ROBO1: variants seen among roughly 807,000 people sequenced by gnomAD.
The protein encoded by ROBO1 is roundabout homolog 1.
A neutral mutation model predicts 195.9 loss-of-function variants in ROBO1; 149 were observed. The observed-to-expected ratio is 0.76, with a 90% CI of 0.67 to 0.87. ROBO1 has a LOEUF of 0.87. ROBO1 is among the 40% of genes least tolerant of loss of function. The pLI is 0.00. For missense variants in ROBO1, 1,933 were observed against 2,068.3 expected (o/e 0.93, Z 1.27); for synonymous variants, 816 against 733.2 (o/e 1.11, Z -1.82).
intron 2 of ROBO1, among the ~76,000 whole-genome samples, chr3:79,515,249 C>T (rs937201887): frequency 6.6e-6 from 1 of 152,182 alleles, no homozygotes; most frequent in Non-Finnish European, 1.5e-5. Context: ...GCTCACTGTC[C>T]TCCACCAATG....
chr3:79,083,857 A>T (rs546255031), intron 3 of ROBO1, among the ~76,000 whole-genome samples: 1 of 152,184 alleles, frequency 6.6e-6, no homozygotes. Context: ...AAAGATTTTC[A>T]TGAAGGGAAT....
intron 2 of ROBO1, among the ~76,000 whole-genome samples, chr3:79,283,987 G>A (rs2031716458): frequency 5.3e-5 from 8 of 152,070 alleles, no homozygotes; most frequent in Admixed American, 5.2e-4. Flanking sequence ...GTGAGCCACC[G>A]CGCCCGGCCT....
chr3:78,601,455 TCA>T (rs1296142446), intron 29 of ROBO1, among the ~76,000 whole-genome samples: 1 of 152,220 alleles, frequency 6.6e-6, no homozygotes, highest in Non-Finnish European at 1.5e-5. Flanking sequence ...CATAGGAGTT[TCA>T]CAGTCCATGA....
At chr3:79,591,174 AC>A (rs1943988919) in intron 1 of ROBO1, among the ~76,000 whole-genome samples, 1 of 151,892 alleles carries the variant, frequency 6.6e-6, no homozygotes, top group Non-Finnish European at 1.5e-5. Flanking sequence ...CAAACCTAGT[AC>A]TATATAAAAA....
chr3:78,933,022 C>G (rs2107656046), intron 4 of ROBO1, among the ~76,000 whole-genome samples: 1 of 152,202 alleles, frequency 6.6e-6, no homozygotes, highest in South Asian at 2.1e-4. Flanking sequence ...TTAATACACA[C>G]TTCTGTGAGA....
rs80075708 is a variant in ROBO1 at position 79,190,695 on chromosome 3, C to G, written c.89-65156G>C. On this transcript the variant is annotated intron_variant, in intron 2 of 30. Transcript: ENST00000464233. ...CTTGGATATTTCCTTTGTAAGGTCCCCCTTGACTCAATTACTATATTATAT... is the reference window on the plus strand; with the variant it reads ...CTTGGATATTTCCTTTGTAAGGTCCGCCTTGACTCAATTACTATATTATAT... 6.2e-4 allele frequency among the ~76,000 whole-genome samples: 94 copies of G among 151,632 alleles called. 2 individuals carry two copies. The East Asian group carries it at 0.017, about 28-fold the overall frequency.
chr3:79,683,771 T>A (rs1947018821), intron 1 of ROBO1, among the ~76,000 whole-genome samples: 1 of 152,168 alleles, frequency 6.6e-6, no homozygotes. Flanking sequence ...GCAGCATATA[T>A]CAGCCCTTCA....
At chr3:79,767,053 CA>C in intron 1 of ROBO1, among the ~76,000 whole-genome samples, 1 of 152,130 alleles carries the variant, frequency 6.6e-6, no homozygotes, top group Non-Finnish European at 1.5e-5. Flanking sequence ...TGTTTTCAAG[CA>C]AAATCCTGCA....
intron 27 of ROBO1, 114 bp from the exon 28 acceptor site, chr3:78,614,914 G>T: frequency 1.8e-6 from 2 of 1,124,758 alleles, no homozygotes; most frequent in Non-Finnish European, 2.4e-6. Context: ...TTTCTGAAAA[G>T]CAACAAAAAA....
intron 1 of ROBO1, among the ~76,000 whole-genome samples, chr3:79,699,229 T>C (rs1647783802): frequency 6.6e-6 from 1 of 151,448 alleles, no homozygotes; most frequent in African/African-American, 2.4e-5. Flanking sequence ...GAATTGATTA[T>C]TATTTTTCCT....
intron 3 of ROBO1, among the ~76,000 whole-genome samples, chr3:78,968,271 C>CTTTTTTTTTTTT (rs35361494): frequency 1.7e-5 from 2 of 119,462 alleles, no homozygotes; most frequent in Non-Finnish European, 1.7e-5. Context: ...TGTATAGATT[C>CTTTTTTTTTTTT]TTTTTTTTTT....
At chr3:79,646,075 C>A (rs779798139) in intron 1 of ROBO1, among the ~76,000 whole-genome samples, 3 of 151,908 alleles carry the variant, frequency 2.0e-5, no homozygotes, top group Non-Finnish European at 2.9e-5. Flanking sequence ...CAAAGATACA[C>A]GAATGGCATT....
chr3:78,968,059 A>C (rs1337179504), intron 3 of ROBO1, among the ~76,000 whole-genome samples: 1 of 152,042 alleles, frequency 6.6e-6, no homozygotes, highest in Non-Finnish European at 1.5e-5. Context: ...TCTTAAACAC[A>C]GTTTATTTTT....
intron 1 of ROBO1, among the ~76,000 whole-genome samples, chr3:79,609,325 G>A (rs1196715718): frequency 2.0e-5 from 3 of 151,772 alleles, no homozygotes; most frequent in Non-Finnish European, 2.9e-5. Context: ...CTCCTATTAG[G>A]ATGGCAATTA....
chr3:78,739,900 A>G (rs1026016012), intron 5 of ROBO1, among the ~76,000 whole-genome samples: 3 of 152,218 alleles, frequency 2.0e-5, no homozygotes, highest in Non-Finnish European at 4.4e-5. Context: ...TTGCACTGAT[A>G]GCATAGCAGA....
In ROBO1 at chr3:79,019,365, G is replaced by A. The variant is rs1462293628; in HGVS notation, c.173-80438C>T. 5 of 985,842 alleles carry A rather than the reference G, an allele frequency of 5.1e-6. No homozygotes were observed. In the East Asian group the frequency reaches 4.6e-4, roughly 90 times the overall value. The allele number at this position is 985,842 out of a possible 1,614,324, so 61.1% of individuals were successfully genotyped here. ...AAGGGCAGAGAGGATGCTGCTGCGG[G>A]TGGGAGAGACGGCCGCCGCGGCTCA... On this transcript the variant is annotated intron_variant, in intron 3 of 30. Coordinates refer to ENST00000464233, the MANE Select transcript of ROBO1 (RefSeq NM_002941.4).
intron 2 of ROBO1, among the ~76,000 whole-genome samples, chr3:79,439,261 A>G (rs2107108952): frequency 6.6e-6 from 1 of 152,222 alleles, no homozygotes; most frequent in African/African-American, 2.4e-5. Flanking sequence ...GAATATTATA[A>G]CTGACATCAA....
At chr3:79,191,819 T>A (rs1440646913) in intron 2 of ROBO1, among the ~76,000 whole-genome samples, 1 of 151,456 alleles carries the variant, frequency 6.6e-6, no homozygotes, top group East Asian at 1.9e-4. Context: ...ATGTTTATAT[T>A]CTCCAAAACA....
intron 1 of ROBO1, among the ~76,000 whole-genome samples, chr3:79,751,516 AG>A (rs1464576201): frequency 6.6e-6 from 1 of 152,140 alleles, no homozygotes; most frequent in Non-Finnish European, 1.5e-5. Context: ...TTGATAATTT[AG>A]CTAAGTGCTA....
Sources: allele counts gnomAD v4.1 joint callset (sites outside exome capture counted in the v4.1 genomes callset), GRCh38; gene constraint gnomAD v4.1.1; transcripts MANE v1.5; gene names NCBI Gene and HGNC (gene_info 2026-07-23, HGNC 2026-07-21).